DTNB: variants seen among roughly 807,000 people sequenced by gnomAD.
DTNB encodes DTN-B.
Under a neutral mutation model 90.7 loss-of-function variants are expected in DTNB, and 63 were observed. The ratio of observed to expected loss-of-function variants is 0.69; its 90% confidence interval spans 0.57 to 0.86. DTNB has a LOEUF of 0.86. Ranked by LOEUF, DTNB falls within the 40% of genes least tolerant of loss-of-function variation. The probability of loss-of-function intolerance (pLI) is 0.00; values close to 1 mark genes in which losing one functional copy is unlikely to be tolerated. For missense variants in DTNB, 744 were observed against 807.1 expected, an observed-to-expected ratio of 0.92 and a Z score of 0.95; for synonymous variants, 277 against 286.7, an observed-to-expected ratio of 0.97 and a Z score of 0.34.
At chr2:25,390,449 CTT>C (rs1479783558) in intron 16 of DTNB, among the ~76,000 whole-genome samples, 5 of 145,256 alleles carry the variant, frequency 3.4e-5, no homozygotes, top group Admixed American at 6.9e-5. Flanking sequence ...TTCGTCTTCT[CTT>C]TTTTTTTTTT....
chr2:25,495,072 CTTTTT>C (rs894568051), intron 9 of DTNB, among the ~76,000 whole-genome samples: 1 of 147,476 alleles, frequency 6.8e-6, no homozygotes, highest in African/African-American at 2.5e-5. Flanking sequence ...TGGTATTTCT[CTTTTT>C]TTTTTTGAGT....
intron 18 of DTNB, among the ~76,000 whole-genome samples, chr2:25,384,465 A>C (rs1218428851): frequency 2.0e-5 from 3 of 152,144 alleles, no homozygotes; most frequent in Non-Finnish European, 2.9e-5. Flanking sequence ...ATCCCCTGTG[A>C]TGGAGAGCAG....
chr2:25,568,876 A>G (rs905025647), intron 8 of DTNB, among the ~76,000 whole-genome samples: 4 of 152,246 alleles, frequency 2.6e-5, no homozygotes, highest in African/African-American at 7.2e-5. Context: ...CATAAGGCAG[A>G]ACGCAGCAGA....
chr2:25,620,392 C>A (rs1002560495), intron 4 of DTNB, among the ~76,000 whole-genome samples: 1 of 152,132 alleles, frequency 6.6e-6, no homozygotes, highest in African/African-American at 2.4e-5. Flanking sequence ...ACTGAATGGA[C>A]AGGAGAAGTC....
At chr2:25,411,417 T>A (rs2046577641) in intron 16 of DTNB, among the ~76,000 whole-genome samples, 1 of 151,968 alleles carries the variant, frequency 6.6e-6, no homozygotes, top group Non-Finnish European at 1.5e-5. Flanking sequence ...TGATATTTCC[T>A]CTTTTTGGAA....
chr2:25,434,029 T>TA, intron 12 of DTNB, 34 bp from the exon 13 acceptor site: 1 of 1,590,934 alleles, frequency 6.3e-7, no homozygotes, highest in East Asian at 2.2e-5. Context: ...AGTTTTTTTT[T>TA]TTCTGATCCA....
In DTNB at chr2:25,482,818, C is replaced by T; in HGVS notation, c.1057G>A (p.Gly353Arg). 3 of 1,613,206 alleles carry T rather than the reference C, an allele frequency of 1.9e-6. No homozygotes were observed. Among genetic ancestry groups the T allele is most frequent in the Non-Finnish European group, 1.7e-6 (2 of 1,179,636 alleles). Residue 353 changes from glycine (G) to arginine (R), a missense_variant, in exon 10 of 21, where the codon GGA becomes AGA. Transcript: ENST00000406818. ...NDTMVSHMSS[G>R]VPTPTKRLQY... ...TACCTCTTGGTGGGAGTGGGCACTC[C>T]AGAGGACATGTGGCTAACCATGGTG... is the stretch of plus-strand genomic sequence containing the variant.
At chr2:25,555,643 T>C (rs913288090) in intron 8 of DTNB, among the ~76,000 whole-genome samples, 1 of 152,198 alleles carries the variant, frequency 6.6e-6, no homozygotes. Context: ...TATACTGCTA[T>C]GTAACTTGCT....
intron 10 of DTNB, among the ~76,000 whole-genome samples, chr2:25,466,753 A>G (rs2061856516): frequency 6.6e-6 from 1 of 152,222 alleles, no homozygotes; most frequent in Non-Finnish European, 1.5e-5. Context: ...AAATTTTTAT[A>G]TATGTAACGT....
intron 8 of DTNB, among the ~76,000 whole-genome samples, chr2:25,534,959 G>A (rs1452424239): frequency 1.1e-4 from 14 of 129,536 alleles, no homozygotes; most frequent in African/African-American, 1.5e-4. Flanking sequence ...GCTCCTTACC[G>A]CCCAGACAAT....
chr2:25,508,937 G>A (rs1297467331), intron 9 of DTNB, among the ~76,000 whole-genome samples: 3 of 152,056 alleles, frequency 2.0e-5, no homozygotes, highest in Admixed American at 2.0e-4. Flanking sequence ...TATTATAAAT[G>A]GTATTGCTTT....
chr2:25,377,643 C>G (rs2036178319), intron 20 of DTNB, 90 bp from the exon 21 acceptor site: 3 of 152,592 alleles, frequency 2.0e-5, no homozygotes, highest in Admixed American at 2.0e-4. Context: ...GGAGGCCCTG[C>G]AGGGAGGGGC....
chr2:25,422,001 A>C (rs2049875060), intron 15 of DTNB, among the ~76,000 whole-genome samples: 2 of 152,196 alleles, frequency 1.3e-5, no homozygotes, highest in Non-Finnish European at 2.9e-5. Context: ...AGTGTTGTAT[A>C]ATTTAAACTC....
intron 8 of DTNB, among the ~76,000 whole-genome samples, chr2:25,534,479 C>T (rs190687204): frequency 7.2e-4 from 110 of 152,280 alleles, no homozygotes; most frequent in South Asian, 6.0e-3. Context: ...GACAAAACCG[C>T]CATCGTCGTC....
intron 8 of DTNB, among the ~76,000 whole-genome samples, chr2:25,567,238 G>A (rs199555933): frequency 1.8e-4 from 27 of 152,246 alleles, no homozygotes; most frequent in African/African-American, 6.5e-4. Context: ...AACTGGTCAG[G>A]AGCATGCTCA....
At chr2:25,588,365 AG>A (rs2062850301) in intron 6 of DTNB, among the ~76,000 whole-genome samples, 1 of 151,636 alleles carries the variant, frequency 6.6e-6, no homozygotes. Flanking sequence ...CTCTCTTCCG[AG>A]AACTTTTTTT....
chr2:25,607,297 T>C lies in DTNB; in HGVS notation c.387A>G (p.Val129=). ...TTGCTAACATAGCTTTAACTGAAAA[T>C]ACCGTCAACTTGCCTCGGCCCTCAC... is the stretch of plus-strand genomic sequence containing the variant. The part of the protein sequence containing the change: ...YDSEGRGKLT[V]FSVKAMLATM... The change falls in exon 5 of 21, where the codon GTA becomes GTG. Residue 129 remains valine, a synonymous_variant. Coordinates refer to ENST00000406818, the MANE Select transcript of DTNB (RefSeq NM_021907.5). The C allele has an allele frequency of 6.2e-7, 1 of 1,606,242 alleles. No homozygotes were observed. The highest frequency in any genetic ancestry group is 1.7e-4 in the Middle Eastern group (1 of 6,054).
chr2:25,432,750 G>C, intron 14 of DTNB, 136 bp downstream of exon 14: 1 of 867,344 alleles, frequency 1.2e-6, no homozygotes, highest in Non-Finnish European at 1.8e-6. Flanking sequence ...AACAGAATGG[G>C]TGAACTCTTC....
chr2:25,593,461 C>T (rs1209031568), intron 6 of DTNB, among the ~76,000 whole-genome samples: 2 of 152,196 alleles, frequency 1.3e-5, no homozygotes, highest in African/African-American at 4.8e-5. Context: ...ACTTCTTGGT[C>T]AATATATCAG....
Sources: allele counts gnomAD v4.1 joint callset (sites outside exome capture counted in the v4.1 genomes callset), GRCh38; gene constraint gnomAD v4.1.1; transcripts MANE v1.5; gene names NCBI Gene and HGNC (gene_info 2026-07-23, HGNC 2026-07-21).